CCNY: variants seen among roughly 807,000 people sequenced by gnomAD.
CCNY encodes cyclin-Y.
A neutral mutation model predicts 42.8 loss-of-function variants in CCNY; 19 were observed. The observed-to-expected ratio is 0.44, with a 90% CI of 0.31 to 0.65. CCNY has a LOEUF of 0.65. Among genes scored for constraint, CCNY ranks in the 30% least tolerant of loss-of-function variants. The probability of loss-of-function intolerance (pLI) is 0.07; values close to 1 mark genes in which losing one functional copy is unlikely to be tolerated. For missense variants in CCNY, 370 were observed against 437.3 expected, an observed-to-expected ratio of 0.85 and a Z score of 1.37; for synonymous variants, 165 against 162.7, an observed-to-expected ratio of 1.01 and a Z score of -0.11.
At chr10:35,252,180 T>C (rs2095712441) in intron 3 of CCNY, among the ~76,000 whole-genome samples, 1 of 152,186 alleles carries the variant, frequency 6.6e-6, no homozygotes. Flanking sequence ...GATATTTGCC[T>C]TTTAACACAT....
At position 35,261,036 on chromosome 10, in the gene CCNY, A is replaced by G. The variant is rs1039686396; in HGVS notation, c.-9+10410A>G. ...CAAAGTGGGAGGATCACTTGAGCCC[A>G]GGAAGTTGAGGCCACAGTGAGCCGT... is the stretch of plus-strand genomic sequence containing the variant. On this transcript the variant is annotated intron_variant, in intron 3 of 11. Transcript: ENST00000374706. Among the ~76,000 whole-genome samples the G allele has an allele frequency of 3.3e-5, 5 of 152,136 alleles. No homozygotes were observed. The East Asian group carries it at 7.7e-4, about 23-fold the overall frequency.
intron 4 of CCNY, among the ~76,000 whole-genome samples, chr10:35,519,027 C>G (rs1244326607): frequency 1.5e-5 from 2 of 134,180 alleles, no homozygotes; most frequent in Admixed American, 7.6e-5. Context: ...TTTGTAACAG[C>G]TCTTGATTGA....
At chr10:35,562,473 T>G (rs1180165435) in intron 8 of CCNY, among the ~76,000 whole-genome samples, 1 of 152,202 alleles carries the variant, frequency 6.6e-6, no homozygotes, top group African/African-American at 2.4e-5. Context: ...AACTTGCCAT[T>G]CCTCCTTCCT....
At chr10:35,334,579 C>T (rs777690072), upstream of CCNY, among the ~76,000 whole-genome samples, 12 of 152,224 alleles carry the variant, frequency 7.9e-5, no homozygotes, top group Non-Finnish European at 1.6e-4. Context: ...TCTACCCACC[C>T]TCTCCAGGGC....
At chr10:35,298,782 A>G (rs1349741634) in intron 3 of CCNY, among the ~76,000 whole-genome samples, 1 of 152,140 alleles carries the variant, frequency 6.6e-6, no homozygotes, top group African/African-American at 2.4e-5. Flanking sequence ...TCAGTCTCTC[A>G]AAGTGCTGAG....
intron 1 of CCNY, among the ~76,000 whole-genome samples, chr10:35,475,469 G>A (rs1178113917): frequency 6.6e-6 from 1 of 152,040 alleles, no homozygotes; most frequent in Non-Finnish European, 1.5e-5. Flanking sequence ...CCAGAAGAGA[G>A]TGGGGGCCAA....
At chr10:35,472,202 T>G (rs1488440928) in intron 1 of CCNY, among the ~76,000 whole-genome samples, 2 of 152,220 alleles carry the variant, frequency 1.3e-5, no homozygotes, top group African/African-American at 2.4e-5. Flanking sequence ...TTCTCGAAGC[T>G]AGGTGTTATT....
intron 1 of CCNY, among the ~76,000 whole-genome samples, chr10:35,343,221 C>G (rs1252767651): frequency 1.3e-5 from 2 of 151,582 alleles, no homozygotes; most frequent in East Asian, 1.9e-4. Flanking sequence ...CCAGGCTGGT[C>G]CATATGATCC....
chr10:35,469,717 CAGAT>C (rs1484508820), intron 1 of CCNY, among the ~76,000 whole-genome samples: 5 of 145,252 alleles, frequency 3.4e-5, no homozygotes, highest in Admixed American at 6.8e-5. Context: ...ACTGGAGAGA[CAGAT>C]AGGGAGATGG....
chr10:35,501,572 CTG>C (rs745408526), intron 3 of CCNY, 37 bp downstream of exon 3: 187 of 1,576,740 alleles, frequency 1.2e-4, no homozygotes, highest in Non-Finnish European at 1.6e-4. Context: ...TTCATAATGA[CTG>C]TACAGTGTAA....
chr10:35,385,187 T>A (rs974728351), intron 1 of CCNY, among the ~76,000 whole-genome samples: 2 of 152,260 alleles, frequency 1.3e-5, no homozygotes, highest in Non-Finnish European at 2.9e-5. Flanking sequence ...TTCATTATTG[T>A]GATTTGATAC....
intron 8 of CCNY, among the ~76,000 whole-genome samples, chr10:35,554,999 G>A (rs1016228964): frequency 1.3e-5 from 2 of 152,128 alleles, no homozygotes; most frequent in African/African-American, 2.4e-5. Context: ...AAGATCAATG[G>A]AAAATCCTCT....
At chr10:35,518,497 T>C (rs1840474748) in intron 4 of CCNY, among the ~76,000 whole-genome samples, 1 of 147,454 alleles carries the variant, frequency 6.8e-6, no homozygotes, top group Non-Finnish European at 1.5e-5. Flanking sequence ...GTTATTTGGA[T>C]GTGTAACAGC....
Position 35,501,522 on chromosome 10 carries a change from T to G in CCNY, c.251T>G (p.Leu84Arg), listed in dbSNP as rs753832139. The change falls in exon 3 of 10, where the codon CTC (leucine) becomes CGC (arginine). Residue 84 changes from leucine to arginine, a missense_variant. This residue lies in a region of CCNY where 136 missense variants were observed against 124.2 expected (regional missense o/e 1.09). Transcript: ENST00000374704. ...QTDVREKRKS[L>R]FINHHPPGQI... ...ACAGTGAGAGAAAAACGCAAGAGTC[T>G]CTTCATTAACCATGTAAGTGAAGCT... is the stretch of plus-strand genomic sequence containing the variant. The G allele has an allele frequency of 4.8e-5, 77 of 1,613,788 alleles. No individual in the cohort carries two copies. The highest frequency in any genetic ancestry group is 3.3e-4 in the Middle Eastern group (2 of 6,082).
intron 3 of CCNY, among the ~76,000 whole-genome samples, chr10:35,283,560 C>T (rs1270135328): frequency 2.0e-5 from 3 of 152,092 alleles, no homozygotes; most frequent in South Asian, 4.2e-4. Context: ...CGTGCCACCA[C>T]GCTTGGCTAA....
rs147721585 is a variant in CCNY at position 35,511,355 on chromosome 10, T to TG, written c.265-5167dup. ...AATGACAATGGAGAGTGACTGGTGC[T>TG]GTGGAGGGTGAACACGGGCATAGAA... is the stretch of plus-strand genomic sequence containing the variant. On this transcript the variant is annotated intron_variant, in intron 3 of 9. Coordinates refer to ENST00000374704, the MANE Select transcript of CCNY (RefSeq NM_145012.6). 6.9e-3 allele frequency among the ~76,000 whole-genome samples: 1,054 copies of TG among 152,182 alleles called. 5 individuals are homozygous for TG. Among genetic ancestry groups the TG allele is most frequent in the African/African-American group, 0.02 (843 of 41,502 alleles).
chr10:35,508,867 A>G (rs896949849), intron 3 of CCNY, among the ~76,000 whole-genome samples: 5 of 152,168 alleles, frequency 3.3e-5, no homozygotes. Flanking sequence ...GAACATATTC[A>G]TCACCCCCAA....
At position 35,507,348 on chromosome 10, in the gene CCNY, G is replaced by A. The variant is rs114710010; in HGVS notation, c.264+5813G>A. Reference sequence around the variant, plus strand: ...AACTTACAGAATGATTTTAATAGTAGTAATACAGAAAACTCTCATCTACCC... The same window carrying A: ...AACTTACAGAATGATTTTAATAGTAATAATACAGAAAACTCTCATCTACCC... On this transcript the variant is annotated intron_variant, in intron 3 of 9. Transcript: ENST00000374704. 3.4e-3 allele frequency among the ~76,000 whole-genome samples: 511 copies of A among 152,208 alleles called. 4 individuals carry two copies. The highest frequency in any genetic ancestry group is 0.012 in the African/African-American group (481 of 41,540).
chr10:35,477,552 A>G (rs1303017719), intron 1 of CCNY, among the ~76,000 whole-genome samples: 2 of 152,074 alleles, frequency 1.3e-5, no homozygotes, highest in African/African-American at 4.8e-5. Flanking sequence ...GATTATCTCA[A>G]TAGATGCAAA....
Sources: allele counts gnomAD v4.1 joint callset (sites outside exome capture counted in the v4.1 genomes callset), GRCh38; gene constraint gnomAD v4.1.1; regional missense constraint gnomAD v4.1.1; transcripts MANE v1.5; gene names NCBI Gene and HGNC (gene_info 2026-07-23, HGNC 2026-07-21).